Variants in NRG3 observed in about 807,000 individuals in gnomAD.
The protein encoded by NRG3 is pro-neuregulin-3, membrane-bound isoform.
A neutral mutation model predicts 66.9 loss-of-function variants in NRG3; 31 were observed. The ratio of observed to expected loss-of-function variants is 0.46; its 90% confidence interval spans 0.35 to 0.63. NRG3 has a LOEUF of 0.63. Ranked by LOEUF, NRG3 falls within the 20% of genes least tolerant of loss-of-function variation. The probability of loss-of-function intolerance (pLI) is 0.00; values close to 1 mark genes in which losing one functional copy is unlikely to be tolerated. For synonymous variants in NRG3, 393 were observed against 359.4 expected, an observed-to-expected ratio of 1.09 and a Z score of -1.06; for missense variants, 910 against 878.9, an observed-to-expected ratio of 1.04 and a Z score of -0.45.
intron 1 of NRG3, among the ~76,000 whole-genome samples, chr10:82,067,182 G>A (rs964528926): frequency 6.6e-6 from 1 of 152,142 alleles, no homozygotes; most frequent in African/African-American, 2.4e-5. Flanking sequence ...AAAATTTGAA[G>A]TTAGTGGAAT....
chr10:82,506,032 T>TGTCAGGACCACA (rs565786202), intron 2 of NRG3, among the ~76,000 whole-genome samples: 93 of 152,216 alleles, frequency 6.1e-4, no homozygotes, highest in African/African-American at 2.1e-3. Flanking sequence ...CGGACCACAA[T>TGTCAGGACCACA]GTCAGGAGAC....
intron 1 of NRG3, among the ~76,000 whole-genome samples, chr10:82,336,493 C>A (rs2082392473): frequency 6.6e-6 from 1 of 151,730 alleles, no homozygotes; most frequent in African/African-American, 2.4e-5. Flanking sequence ...TTTCAAAGAC[C>A]ACCACACCAT....
At chr10:82,315,585 G>A (rs577078689) in intron 1 of NRG3, among the ~76,000 whole-genome samples, 23 of 152,090 alleles carry the variant, frequency 1.5e-4, no homozygotes, top group Admixed American at 9.8e-4. Context: ...TGGGAACATG[G>A]GTGCATTCTG....
intron 2 of NRG3, among the ~76,000 whole-genome samples, chr10:82,476,234 T>C (rs1462144195): frequency 6.6e-6 from 1 of 152,132 alleles, no homozygotes; most frequent in Non-Finnish European, 1.5e-5. Flanking sequence ...TGTGGAGAAA[T>C]GACATCCTTG....
chr10:82,244,515 C>T (rs528688627), intron 1 of NRG3, among the ~76,000 whole-genome samples: 2 of 152,204 alleles, frequency 1.3e-5, no homozygotes, highest in South Asian at 2.1e-4. Flanking sequence ...AGGTGGTCTT[C>T]TGAATCTAAA....
chr10:82,496,830 C>CA (rs1198040684), intron 2 of NRG3, among the ~76,000 whole-genome samples: 2 of 151,922 alleles, frequency 1.3e-5, no homozygotes, highest in Non-Finnish European at 2.9e-5. Flanking sequence ...AATATATTCC[C>CA]AGAAGTAGAA....
intron 1 of NRG3, among the ~76,000 whole-genome samples, chr10:82,195,964 A>G (rs2074425826): frequency 6.6e-6 from 1 of 152,174 alleles, no homozygotes; most frequent in Non-Finnish European, 1.5e-5. Flanking sequence ...TGATATTTTG[A>G]TTTTAGTCCA....
At chr10:82,816,707 G>A (rs896887858) in intron 3 of NRG3, among the ~76,000 whole-genome samples, 1 of 152,084 alleles carries the variant, frequency 6.6e-6, no homozygotes, top group African/African-American at 2.4e-5. Flanking sequence ...CAAGTGGAGG[G>A]GGCCTGCAGG....
chr10:82,825,412 C>A (rs528519358), intron 3 of NRG3, among the ~76,000 whole-genome samples: 1 of 152,170 alleles, frequency 6.6e-6, no homozygotes, highest in Non-Finnish European at 1.5e-5. Context: ...CCCAATAAAT[C>A]TCTTACACTA....
intron 2 of NRG3, among the ~76,000 whole-genome samples, chr10:82,718,800 A>T (rs1402647280): frequency 6.6e-6 from 1 of 152,204 alleles, no homozygotes; most frequent in Non-Finnish European, 1.5e-5. Context: ...CTTCTGACAA[A>T]TGATTTTTTT....
chr10:82,594,743 T>TA (rs1275629893), intron 2 of NRG3, among the ~76,000 whole-genome samples: 2 of 152,134 alleles, frequency 1.3e-5, no homozygotes, highest in African/African-American at 4.8e-5. Context: ...GGGTCTTACT[T>TA]ATATACAATT....
rs57136916 is a variant in NRG3 at position 82,168,847 on chromosome 10, G to A, written c.824-189892G>A. On this transcript the variant is annotated intron_variant, in intron 1 of 8. Transcript: ENST00000372141. ...ATTTTCTCAGATTTTGGAATTTTTA[G>A]AATCTAAATTGAGTTTCCATCAATT... Among the ~76,000 whole-genome samples the A allele has an allele frequency of 6.3e-3, 962 of 152,206 alleles. 10 individuals are homozygous for A. The highest frequency in any genetic ancestry group is 0.021 in the African/African-American group (891 of 41,538).
At chr10:82,468,927 AAAAC>A (rs1402724091) in intron 2 of NRG3, among the ~76,000 whole-genome samples, 4 of 152,260 alleles carry the variant, frequency 2.6e-5, no homozygotes, top group South Asian at 2.1e-4. Context: ...ATGGGAGAAA[AAAAC>A]AAACAACATT....
intron 1 of NRG3, among the ~76,000 whole-genome samples, chr10:82,121,961 T>G (rs1461012768): frequency 6.6e-6 from 1 of 152,086 alleles, no homozygotes; most frequent in Non-Finnish European, 1.5e-5. Context: ...TGTGACTGTT[T>G]TATAACAACC....
chr10:81,890,949 G>C (rs1842958734), intron 1 of NRG3, among the ~76,000 whole-genome samples: 1 of 152,158 alleles, frequency 6.6e-6, no homozygotes, highest in South Asian at 2.1e-4. Flanking sequence ...GAAATCATCT[G>C]TTCCCCCTAG....
intron 4 of NRG3, among the ~76,000 whole-genome samples, chr10:82,905,019 A>C (rs371691525): frequency 1.3e-5 from 2 of 152,284 alleles, no homozygotes; most frequent in African/African-American, 4.8e-5. Context: ...CCTGAAATAC[A>C]GAAAATGAAT....
At chr10:82,332,079 T>G (rs1054999732) in intron 1 of NRG3, among the ~76,000 whole-genome samples, 2 of 152,216 alleles carry the variant, frequency 1.3e-5, no homozygotes, top group African/African-American at 4.8e-5. Context: ...CATAAAGTTG[T>G]CTGTCACCCA....
chr10:82,198,408 T>C (rs1189969044), intron 1 of NRG3, among the ~76,000 whole-genome samples: 1 of 152,166 alleles, frequency 6.6e-6, no homozygotes, highest in East Asian at 1.9e-4. Flanking sequence ...GGCTGTCTTA[T>C]TTGTAGGAAA....
chr10:82,979,778 G>C (rs541597316), intron 8 of NRG3, among the ~76,000 whole-genome samples: 1 of 152,274 alleles, frequency 6.6e-6, no homozygotes, highest in African/African-American at 2.4e-5. Flanking sequence ...CATGTAGTTG[G>C]CATAAACTGC....
Sources: allele counts gnomAD v4.1 joint callset (sites outside exome capture counted in the v4.1 genomes callset), GRCh38; gene constraint gnomAD v4.1.1; transcripts MANE v1.5; gene names NCBI Gene and HGNC (gene_info 2026-07-23, HGNC 2026-07-21).